HECW2: variants seen among roughly 807,000 people sequenced by gnomAD.
HECW2 encodes the protein E3 ubiquitin-protein ligase HECW2.
Under a neutral mutation model 175.2 loss-of-function variants are expected in HECW2, and 61 were observed. That is an observed-to-expected ratio of 0.35 (90% confidence interval 0.28 to 0.43). The LOEUF (loss-of-function observed/expected upper bound fraction) is 0.43. Ranked by LOEUF, HECW2 falls within the 20% of genes least tolerant of loss-of-function variation. The pLI, the probability that HECW2 is intolerant of heterozygous loss-of-function variation, is 1.00. For missense variants in HECW2, 1,524 were observed against 2,000.5 expected, an observed-to-expected ratio of 0.76 and a Z score of 4.54; for synonymous variants, 671 against 731.0, an observed-to-expected ratio of 0.92 and a Z score of 1.32.
At chr2:196,511,649 C>A (rs1687957192) in intron 1 of HECW2, among the ~76,000 whole-genome samples, 1 of 152,090 alleles carries the variant, frequency 6.6e-6, no homozygotes, top group Non-Finnish European at 1.5e-5. Flanking sequence ...ACAAAAAGTG[C>A]TATGAGGAAA....
intron 1 of HECW2, among the ~76,000 whole-genome samples, chr2:196,499,851 G>A (rs966661477): frequency 6.6e-6 from 1 of 151,822 alleles, no homozygotes; most frequent in Non-Finnish European, 1.5e-5. Flanking sequence ...TTTCCTCAAG[G>A]GTTTTATTTA....
chr2:196,498,880 T>G (rs962063697), intron 1 of HECW2, among the ~76,000 whole-genome samples: 2 of 152,168 alleles, frequency 1.3e-5, no homozygotes, highest in African/African-American at 4.8e-5. Flanking sequence ...TGTTTAAGAC[T>G]TTTCTTTTCA....
At chr2:196,376,206 T>C (rs1694046679) in intron 2 of HECW2, among the ~76,000 whole-genome samples, 1 of 152,242 alleles carries the variant, frequency 6.6e-6, no homozygotes, top group Non-Finnish European at 1.5e-5. Context: ...CAAATTTGTA[T>C]ATTTAAGAGC....
rs770230524 is a variant in HECW2, at chr2:196,582,818, A to G, written c.-36+10690T>C. On this transcript the variant is annotated intron_variant, in intron 1 of 28. Coordinates refer to ENST00000644978, the MANE Select transcript of HECW2 (RefSeq NM_001348768.2). ...CAAGAGATGTTTTACATACAAACTT[A>G]CATGTAATTAAGTTTAGCTTCACTT... Among the ~76,000 whole-genome samples the G allele has an allele frequency of 2.0e-5, 3 of 152,222 alleles. No individual in the cohort carries two copies. The East Asian group carries it at 5.8e-4, about 29-fold the overall frequency.
intron 1 of HECW2, among the ~76,000 whole-genome samples, chr2:196,562,953 G>A (rs1450347660): frequency 6.6e-6 from 1 of 152,118 alleles, no homozygotes; most frequent in African/African-American, 2.4e-5. Flanking sequence ...CAAGGTGGAA[G>A]GATAGCTTGA....
At chr2:196,525,392 C>T (rs1157663842) in intron 1 of HECW2, among the ~76,000 whole-genome samples, 1 of 145,092 alleles carries the variant, frequency 6.9e-6, no homozygotes, top group African/African-American at 2.6e-5. Flanking sequence ...AGATGGGTTT[C>T]CTGAATACAG....
intron 28 of HECW2, among the ~76,000 whole-genome samples, chr2:196,206,559 T>C (rs1687073564): frequency 6.6e-6 from 1 of 152,264 alleles, no homozygotes; most frequent in Non-Finnish European, 1.5e-5. Flanking sequence ...ATATTTCATT[T>C]ATTCCTTCAC....
At chr2:196,521,571 C>T (rs375373382) in intron 1 of HECW2, among the ~76,000 whole-genome samples, 22 of 149,770 alleles carry the variant, frequency 1.5e-4, no homozygotes, top group South Asian at 4.2e-4. Flanking sequence ...CATGCTGGTG[C>T]GCTGCACCCA....
intron 1 of HECW2, among the ~76,000 whole-genome samples, chr2:196,589,450 C>T (rs1691102745): frequency 6.6e-6 from 1 of 152,174 alleles, no homozygotes; most frequent in South Asian, 2.1e-4. Context: ...TGCCAGGTCA[C>T]CTGCACAATC....
At chr2:196,489,263 G>T (rs1687108545) in intron 1 of HECW2, among the ~76,000 whole-genome samples, 1 of 152,158 alleles carries the variant, frequency 6.6e-6, no homozygotes, top group African/African-American at 2.4e-5. Context: ...ACTAGAAACT[G>T]TGAGGAGGTT....
chr2:196,380,401 G>A (rs998492308), intron 2 of HECW2, among the ~76,000 whole-genome samples: 3 of 152,182 alleles, frequency 2.0e-5, no homozygotes, highest in African/African-American at 7.2e-5. Flanking sequence ...CCAATTCCCA[G>A]GAATATATTT....
chr2:196,294,329 A>C (rs961661754), intron 13 of HECW2, among the ~76,000 whole-genome samples: 1 of 152,172 alleles, frequency 6.6e-6, no homozygotes, highest in Non-Finnish European at 1.5e-5. Flanking sequence ...CATGAAACTG[A>C]CCAGGCCGTG....
chr2:196,333,430 G>T (rs2105800740), intron 4 of HECW2, among the ~76,000 whole-genome samples: 1 of 152,264 alleles, frequency 6.6e-6, no homozygotes, highest in East Asian at 1.9e-4. Flanking sequence ...ATTTCAAAGT[G>T]CCATTTGCAA....
intron 1 of HECW2, among the ~76,000 whole-genome samples, chr2:196,482,799 A>G (rs1245558848): frequency 6.6e-6 from 1 of 152,232 alleles, no homozygotes; most frequent in African/African-American, 2.4e-5. Flanking sequence ...AATTCAAGAT[A>G]GCAACCACAG....
chr2:196,467,074 C>T (rs918448177), intron 1 of HECW2, among the ~76,000 whole-genome samples: 1 of 152,170 alleles, frequency 6.6e-6, no homozygotes, highest in African/African-American at 2.4e-5. Flanking sequence ...CAGTTGATGT[C>T]AGCTTTAACT....
chr2:196,354,323 C>A (rs546438967), intron 2 of HECW2, among the ~76,000 whole-genome samples: 1 of 152,350 alleles, frequency 6.6e-6, no homozygotes, highest in East Asian at 1.9e-4. Flanking sequence ...GCTGGTCCAG[C>A]CACAAGCTCT....
rs113377653 is a variant in HECW2, at chr2:196,406,152, T to C, written c.292+26980A>G. Reference sequence around the variant, plus strand: ...GCTCCATCTATGTGCCAGTGATTCCTACACTAGAGATTTGCAGACCCAGCT... The same window carrying C: ...GCTCCATCTATGTGCCAGTGATTCCCACACTAGAGATTTGCAGACCCAGCT... On this transcript the variant is annotated intron_variant, in intron 2 of 28. Transcript: ENST00000644978. 5.5e-3 allele frequency among the ~76,000 whole-genome samples: 831 copies of C among 152,332 alleles called. 4 individuals are homozygous for C. The highest frequency in any genetic ancestry group is 0.01 in the Admixed American group (155 of 15,304).
intron 1 of HECW2, among the ~76,000 whole-genome samples, chr2:196,510,434 G>A (rs76820902): frequency 0.011 from 1,638 of 152,232 alleles, 32 homozygotes; most frequent in African/African-American, 0.037. Flanking sequence ...ACCCACTCTC[G>A]CCCAGATCAA....
At chr2:196,498,508 G>A (rs939425895) in intron 1 of HECW2, among the ~76,000 whole-genome samples, 1 of 152,116 alleles carries the variant, frequency 6.6e-6, no homozygotes, top group East Asian at 1.9e-4. Context: ...CGATTTTACT[G>A]CTAAACTCAT....
Sources: gnomAD v4.1 joint callset for allele counts (sites outside exome capture counted in the v4.1 genomes callset) on GRCh38, gnomAD v4.1.1 for gene constraint, MANE v1.5 for transcripts, NCBI Gene and HGNC (gene_info 2026-07-23, HGNC 2026-07-21) for gene names.